Variants in CCDC112 observed in about 807,000 individuals in gnomAD.
CCDC112 encodes coiled-coil domain containing 112, also known as coiled-coil domain-containing protein 112.
Under a neutral mutation model 66.3 loss-of-function variants are expected in CCDC112, and 40 were observed. The ratio of observed to expected loss-of-function variants is 0.60; its 90% CI spans 0.47 to 0.79. The LOEUF (loss-of-function observed/expected upper bound fraction) is 0.79, where lower values mean the gene tolerates loss of function less well. Among genes scored for constraint, CCDC112 ranks in the 30% least tolerant of loss-of-function variants. The pLI is 0.00. For missense variants in CCDC112, 659 were observed against 603.8 expected, an observed-to-expected ratio of 1.09 and a Z score of -0.96; for synonymous variants, 214 against 197.2, an observed-to-expected ratio of 1.09 and a Z score of -0.71.
At chr5:115,282,390 C>A (rs1462968213) in intron 2 of CCDC112, among the ~76,000 whole-genome samples, 1 of 152,108 alleles carries the variant, frequency 6.6e-6, no homozygotes, top group Non-Finnish European at 1.5e-5. Flanking sequence ...TCAAGTAGAT[C>A]CATTACATCT....
At chr5:115,282,784 G>A (rs975406820) in intron 2 of CCDC112, among the ~76,000 whole-genome samples, 2 of 151,964 alleles carry the variant, frequency 1.3e-5, no homozygotes. Flanking sequence ...GGTACCCTTT[G>A]ATTTGTTTTG....
At chr5:115,269,382 G>A (rs1002414007) in intron 8 of CCDC112, among the ~76,000 whole-genome samples, 7 of 152,114 alleles carry the variant, frequency 4.6e-5, no homozygotes. Flanking sequence ...TCTGAGTACT[G>A]CAAGAGAGAT....
chr5:115,285,803 G>A (rs1435498725), intron 1 of CCDC112, among the ~76,000 whole-genome samples: 1 of 152,092 alleles, frequency 6.6e-6, no homozygotes, highest in Non-Finnish European at 1.5e-5. Flanking sequence ...AAGACTGGAA[G>A]CAGGAGATCA....
intron 3 of CCDC112, among the ~76,000 whole-genome samples, chr5:115,277,776 T>A (rs1046742413): frequency 6.6e-6 from 1 of 152,208 alleles, no homozygotes; most frequent in Non-Finnish European, 1.5e-5. Context: ...GAAGGAATAA[T>A]CTTACTTTAA....
intron 6 of CCDC112, among the ~76,000 whole-genome samples, chr5:115,271,925 T>C (rs1245851337): frequency 1.3e-5 from 2 of 149,248 alleles, no homozygotes; most frequent in Non-Finnish European, 3.0e-5. Context: ...ACTGCTTCTT[T>C]TTTTTTTTTT....
chr5:115,282,577 C>G (rs550246031), intron 2 of CCDC112, among the ~76,000 whole-genome samples: 1 of 152,032 alleles, frequency 6.6e-6, no homozygotes, highest in South Asian at 2.1e-4. Context: ...CTAAGACATA[C>G]ACTTTAAAAA....
At position 115,267,277 on chromosome 5, in the gene CCDC112, A is replaced by T. The variant is rs1353527756; in HGVS notation, c.*599T>A. On this transcript the variant is annotated 3_prime_UTR_variant, in exon 10 of 10. Coordinates refer to ENST00000379611, the MANE Select transcript of CCDC112 (RefSeq NM_001040440.3). ...ATTGCTGAAGGAAACCAAAAAGATTATATCAATAATACAATTAATAGGGTA... is the reference window on the plus strand; with the variant it reads ...ATTGCTGAAGGAAACCAAAAAGATTTTATCAATAATACAATTAATAGGGTA... 2.0e-5 allele frequency: 3 copies of T among 152,258 alleles called. No homozygotes were observed. The highest frequency in any genetic ancestry group is 2.9e-5 in the Non-Finnish European group (2 of 68,064). The allele number at this position is 152,258 out of a possible 1,614,324, so 9.4% of individuals were successfully genotyped here.
chr5:115,295,829 C>T (rs1750129744), intron 1 of CCDC112: 2 of 908,272 alleles, frequency 2.2e-6, no homozygotes, highest in African/African-American at 1.8e-5. Flanking sequence ...GAAACAGGGA[C>T]TGGGTGTGCC....
chr5:115,275,985 A>C lies in CCDC112; in HGVS notation c.527+9T>G. 2.6e-6 allele frequency: 4 copies of C among 1,565,980 alleles called. No individual in the cohort carries two copies. The highest frequency in any genetic ancestry group is 2.6e-6 in the Non-Finnish European group (3 of 1,144,762). ...AATAATTTTATATTAAAATGAGTTT[A>C]AAACATACATCAACCTCTGCTCTTC... On this transcript the variant is annotated intron_variant, in intron 5 of 9. Coordinates refer to ENST00000379611, the MANE Select transcript of CCDC112 (RefSeq NM_001040440.3).
chr5:115,279,771 T>G lies in CCDC112; in HGVS notation c.240-3A>C. On this transcript the variant is annotated splice_polypyrimidine_tract_variant and splice_region_variant and intron_variant, in intron 2 of 9. Transcript: ENST00000379611. ...TATCTTTTTCCATGTTAATTACTCT[T>G]TAGGAAAAGAAACAAATAGTATAAA... 1.4e-6 allele frequency: 2 copies of G among 1,438,664 alleles called. No homozygotes were observed. Among genetic ancestry groups the G allele is most frequent in the Non-Finnish European group, 1.9e-6 (2 of 1,028,522 alleles). 89.1% of individuals were successfully genotyped at this position (1,438,664 alleles called of 1,614,324 possible).
At chr5:115,279,305 T>G (rs991843124) in intron 3 of CCDC112, among the ~76,000 whole-genome samples, 2 of 152,114 alleles carry the variant, frequency 1.3e-5, no homozygotes, top group Non-Finnish European at 2.9e-5. Flanking sequence ...TGAGCTAACA[T>G]CAGACAGCCC....
chr5:115,278,197 G>C (rs962788901), intron 3 of CCDC112, among the ~76,000 whole-genome samples: 1 of 151,986 alleles, frequency 6.6e-6, no homozygotes, highest in African/African-American at 2.4e-5. Context: ...CTTCATTTTA[G>C]CCTTAGTTTG....
intron 1 of CCDC112, among the ~76,000 whole-genome samples, chr5:115,286,082 A>C (rs1333596425): frequency 6.6e-6 from 1 of 152,220 alleles, no homozygotes; most frequent in Non-Finnish European, 1.5e-5. Flanking sequence ...GTCTGTTTGA[A>C]GTGTACAATT....
Position 115,296,596 on chromosome 5 carries a change from G to C in CCDC112, c.-53C>G. ...GGCGGCCACCGGTGCCTGGGGATTC[G>C]TGGCAGGCGCACCCTGGCCTCTGCA... On this transcript the variant is annotated 5_prime_UTR_variant, in exon 1 of 10. Coordinates refer to ENST00000379611, the MANE Select transcript of CCDC112 (RefSeq NM_001040440.3). 18 of 1,413,336 alleles carry C rather than the reference G, an allele frequency of 1.3e-5. No homozygotes were observed. The highest frequency in any genetic ancestry group is 1.6e-5 in the South Asian group (1 of 64,392). The allele number at this position is 1,413,336 out of a possible 1,614,324, so 87.5% of individuals were successfully genotyped here.
chr5:115,285,010 G>A, intron 1 of CCDC112, 102 bp from the exon 2 acceptor site: 2 of 1,075,340 alleles, frequency 1.9e-6, no homozygotes, highest in East Asian at 2.4e-5. Context: ...GTTTCTTGAA[G>A]GATAATTTTG....
intron 2 of CCDC112, among the ~76,000 whole-genome samples, chr5:115,281,301 G>A (rs1045685878): frequency 2.6e-4 from 39 of 152,150 alleles, no homozygotes; most frequent in African/African-American, 8.9e-4. Flanking sequence ...TGGGATTACA[G>A]GCATGAGCCA....
chr5:115,278,170 G>C (rs1191687961), intron 3 of CCDC112, among the ~76,000 whole-genome samples: 1 of 152,056 alleles, frequency 6.6e-6, no homozygotes, highest in Non-Finnish European at 1.5e-5. Flanking sequence ...AAGTAATTAG[G>C]AAAGTGTTTT....
intron 1 of CCDC112, among the ~76,000 whole-genome samples, chr5:115,290,730 C>A (rs566426634): frequency 6.6e-6 from 1 of 152,008 alleles, no homozygotes; most frequent in South Asian, 2.1e-4. Flanking sequence ...GTATTTTAAT[C>A]TTTGTGATAC....
rs988064429 is a variant in CCDC112, at chr5:115,269,514, T to C, written c.1428+189A>G. 1.9e-5 allele frequency: 10 copies of C among 532,540 alleles called. 1 individual carries two copies. In the South Asian group the frequency reaches 2.4e-4, roughly 13 times the overall value. 33.0% of individuals were successfully genotyped at this position (532,540 alleles called of 1,614,324 possible). ...AGAAAACGGTGCTCATAAGGTAAAATGACAGAATTCAAATAATGGTTGCTT... is the reference window on the plus strand; with the variant it reads ...AGAAAACGGTGCTCATAAGGTAAAACGACAGAATTCAAATAATGGTTGCTT... On this transcript the variant is annotated intron_variant, in intron 8 of 9. Transcript: ENST00000379611.
Sources: allele counts gnomAD v4.1 joint callset (sites outside exome capture counted in the v4.1 genomes callset), GRCh38; gene constraint gnomAD v4.1.1; transcripts MANE v1.5; gene names NCBI Gene and HGNC (gene_info 2026-07-23, HGNC 2026-07-21).